Variants in GRM7 observed in about 807,000 individuals in gnomAD.
The protein encoded by GRM7 is metabotropic glutamate receptor 7.
GRM7 carries 35 observed loss-of-function variants against 84.5 expected under a neutral mutation model. The ratio of observed to expected loss-of-function variants is 0.41; its 90% CI spans 0.32 to 0.55. GRM7 has a LOEUF of 0.55. GRM7 is among the 20% of genes least tolerant of loss of function. GRM7 has a pLI of 0.19. For synonymous variants in GRM7, 487 were observed against 455.1 expected (o/e 1.07, Z -0.89); for missense variants, 1,003 against 1,194.6 (o/e 0.84, Z 2.36).
At chr3:7,345,754 T>C (rs1692861455) in intron 4 of GRM7, among the ~76,000 whole-genome samples, 1 of 152,142 alleles carries the variant, frequency 6.6e-6, no homozygotes, top group African/African-American at 2.4e-5. Flanking sequence ...GCTCCCCATT[T>C]TTCATTCCTG....
At chr3:7,449,669 A>G (rs1303931646) in intron 5 of GRM7, among the ~76,000 whole-genome samples, 2 of 152,108 alleles carry the variant, frequency 1.3e-5, no homozygotes, top group African/African-American at 2.4e-5. Flanking sequence ...ACCCAGTCGC[A>G]TATGGAAATT....
intron 1 of GRM7, among the ~76,000 whole-genome samples, chr3:6,894,636 A>G (rs1013792104): frequency 2.6e-5 from 4 of 152,138 alleles, no homozygotes; most frequent in Non-Finnish European, 4.4e-5. Flanking sequence ...GTGCACACAT[A>G]TAAGTAAAAT....
intron 1 of GRM7, among the ~76,000 whole-genome samples, chr3:7,051,738 A>G (rs1697008109): frequency 6.6e-6 from 1 of 151,760 alleles, no homozygotes; most frequent in Non-Finnish European, 1.5e-5. Context: ...TGCCTTTTAA[A>G]GTGCAAAAGA....
At chr3:7,512,988 T>A (rs1700263395) in intron 7 of GRM7, among the ~76,000 whole-genome samples, 1 of 152,184 alleles carries the variant, frequency 6.6e-6, no homozygotes, top group Non-Finnish European at 1.5e-5. Context: ...TTGTCCCAAA[T>A]GGAACTATTG....
At chr3:7,050,064 G>A (rs946930323) in intron 1 of GRM7, among the ~76,000 whole-genome samples, 1 of 151,884 alleles carries the variant, frequency 6.6e-6, no homozygotes, top group Admixed American at 6.6e-5. Context: ...TTGCTGGGTA[G>A]TAATGAATGG....
intron 1 of GRM7, among the ~76,000 whole-genome samples, chr3:6,893,378 C>T (rs566991201): frequency 2.3e-4 from 35 of 152,190 alleles, no homozygotes; most frequent in Non-Finnish European, 3.8e-4. Flanking sequence ...GCATATATTG[C>T]GTTACTCTCA....
intron 8 of GRM7, among the ~76,000 whole-genome samples, chr3:7,649,226 C>T (rs776442582): frequency 2.4e-4 from 37 of 152,096 alleles, no homozygotes; most frequent in Non-Finnish European, 3.7e-4. Context: ...CCCACTACCA[C>T]GCCCGGCTAA....
intron 7 of GRM7, among the ~76,000 whole-genome samples, chr3:7,563,223 A>T (rs1694104787): frequency 1.3e-5 from 2 of 152,110 alleles, no homozygotes. Flanking sequence ...TCTTTTTTGT[A>T]CAGTTTGTTA....
intron 1 of GRM7, among the ~76,000 whole-genome samples, chr3:6,947,751 A>G (rs977748304): frequency 4.6e-5 from 7 of 152,158 alleles, no homozygotes; most frequent in Admixed American, 1.3e-4. Context: ...TGGTCTATTC[A>G]GAGATTCAAC....
chr3:6,986,285 C>T (rs1044814005), intron 1 of GRM7, among the ~76,000 whole-genome samples: 2 of 152,096 alleles, frequency 1.3e-5, no homozygotes, highest in African/African-American at 4.8e-5. Context: ...TGTTTACCAC[C>T]TTTATTATGG....
intron 1 of GRM7, among the ~76,000 whole-genome samples, chr3:7,041,877 G>A (rs965841794): frequency 6.6e-6 from 1 of 152,166 alleles, no homozygotes; most frequent in African/African-American, 2.4e-5. Flanking sequence ...GAGGGGCAAG[G>A]GGGCAGAAGT....
chr3:6,886,370 A>G (rs1157560394), intron 1 of GRM7, among the ~76,000 whole-genome samples: 1 of 152,180 alleles, frequency 6.6e-6, no homozygotes, highest in African/African-American at 2.4e-5. Context: ...GGGTAGGGAT[A>G]GCGTTAGGAG....
chr3:7,069,961 C>G lies in GRM7; in HGVS notation c.520-76491C>G, dbSNP rs565437797. Among the ~76,000 whole-genome samples the G allele has an allele frequency of 3.3e-5, 5 of 152,138 alleles. No homozygotes were observed. The South Asian group carries it at 8.3e-4, about 25-fold the overall frequency. On this transcript the variant is annotated intron_variant, in intron 1 of 9. Coordinates refer to ENST00000357716, the MANE Select transcript of GRM7 (RefSeq NM_000844.4). ...GGAGGAATAAATACTGAGGGTGAAT[C>G]CACCTATTTACTATATAGTATTTTC... is the stretch of plus-strand genomic sequence containing the variant.
At chr3:7,719,372 GTCT>G (rs1279900194) in intron 9 of GRM7, among the ~76,000 whole-genome samples, 1 of 152,094 alleles carries the variant, frequency 6.6e-6, no homozygotes, top group Non-Finnish European at 1.5e-5. Flanking sequence ...CAAAAATATA[GTCT>G]TCTTACATAC....
At chr3:7,313,221 G>T (rs542804863) in intron 4 of GRM7, among the ~76,000 whole-genome samples, 3 of 152,042 alleles carry the variant, frequency 2.0e-5, no homozygotes, top group African/African-American at 7.2e-5. Flanking sequence ...GACCCACTGC[G>T]CCCAGCCTCT....
At chr3:7,330,367 C>A (rs1265900233) in intron 4 of GRM7, among the ~76,000 whole-genome samples, 1 of 152,154 alleles carries the variant, frequency 6.6e-6, no homozygotes, top group Non-Finnish European at 1.5e-5. Flanking sequence ...GGACTGCAAG[C>A]TGACCTCCAT....
chr3:7,508,735 G>A (rs545080957), intron 7 of GRM7, among the ~76,000 whole-genome samples: 2 of 152,110 alleles, frequency 1.3e-5, no homozygotes, highest in Non-Finnish European at 2.9e-5. Context: ...GAAATAAGAG[G>A]TTCAGCATTC....
At chr3:7,220,250 T>TG (rs1696755755) in intron 2 of GRM7, among the ~76,000 whole-genome samples, 1 of 152,194 alleles carries the variant, frequency 6.6e-6, no homozygotes, top group African/African-American at 2.4e-5. Context: ...TGAAGTAACT[T>TG]TACAGTGGAG....
chr3:7,677,474 T>A (rs1700182084), intron 8 of GRM7, among the ~76,000 whole-genome samples: 2 of 152,234 alleles, frequency 1.3e-5, no homozygotes, highest in South Asian at 2.1e-4. Flanking sequence ...AAATGGGAAT[T>A]GAACTCAGAT....
Sources: gnomAD v4.1 joint callset for allele counts (sites outside exome capture counted in the v4.1 genomes callset) on GRCh38, gnomAD v4.1.1 for gene constraint, MANE v1.5 for transcripts, NCBI Gene and HGNC (gene_info 2026-07-23, HGNC 2026-07-21) for gene names.